FOXP1: variants seen among roughly 807,000 people sequenced by gnomAD.
FOXP1 encodes the protein forkhead box protein P1.
Under a neutral mutation model 98.2 loss-of-function variants are expected in FOXP1, and 15 were observed. That is an observed-to-expected ratio of 0.15 (90% confidence interval 0.10 to 0.24). The LOEUF is 0.24. Among genes scored for constraint, FOXP1 ranks in the 10% least tolerant of loss-of-function variants. The pLI is 1.00. For synonymous variants in FOXP1, 371 were observed against 314.5 expected, an observed-to-expected ratio of 1.18 and a Z score of -1.90; for missense variants, 633 against 848.5, an observed-to-expected ratio of 0.75 and a Z score of 3.15.
intron 17 of FOXP1, among the ~76,000 whole-genome samples, chr3:70,976,048 CCT>C (rs2037433414): frequency 5.6e-5 from 4 of 71,444 alleles, no homozygotes; most frequent in Non-Finnish European, 1.2e-4. Context: ...GGGACAATCT[CCT>C]TTTTTTTTTT....
At chr3:71,186,209 A>C (rs2062634040) in intron 6 of FOXP1, among the ~76,000 whole-genome samples, 2 of 152,338 alleles carry the variant, frequency 1.3e-5, no homozygotes, top group South Asian at 4.1e-4. Flanking sequence ...GGCCAAGGAC[A>C]TCTGTCTGCT....
intron 2 of FOXP1, among the ~76,000 whole-genome samples, chr3:71,527,409 C>A (rs1296374144): frequency 6.6e-6 from 1 of 152,230 alleles, no homozygotes; most frequent in Admixed American, 6.5e-5. Flanking sequence ...GTGATGAGAT[C>A]TGCTCCCAAG....
rs149743412 is a variant in FOXP1, at chr3:70,989,732, C to A, written c.1063-1655G>T. Among the ~76,000 whole-genome samples, 12 of 152,174 alleles carry A rather than the reference C, an allele frequency of 7.9e-5. No homozygotes were observed. The East Asian group carries it at 1.9e-3, about 24-fold the overall frequency. On this transcript the variant is annotated intron_variant, in intron 13 of 20. Transcript: ENST00000649528. ...TAAAAACAAGCAGTAGTCTGTCATG[C>A]TGAACAATACAAATTAAAGGGTGAG... is the stretch of plus-strand genomic sequence containing the variant.
At chr3:70,981,063 A>C (rs531307395) in intron 14 of FOXP1, among the ~76,000 whole-genome samples, 1 of 152,088 alleles carries the variant, frequency 6.6e-6, no homozygotes, top group South Asian at 2.1e-4. Flanking sequence ...AGCAAGTGCA[A>C]GCCCATCTTT....
At chr3:71,231,485 A>G (rs1001356245) in intron 5 of FOXP1, among the ~76,000 whole-genome samples, 2 of 152,264 alleles carry the variant, frequency 1.3e-5, no homozygotes, top group African/African-American at 2.4e-5. Context: ...GAGAATTACT[A>G]TAATTTATTA....
intron 5 of FOXP1, among the ~76,000 whole-genome samples, chr3:71,242,391 T>C (rs1406820182): frequency 6.6e-6 from 1 of 152,128 alleles, no homozygotes; most frequent in Non-Finnish European, 1.5e-5. Flanking sequence ...CATCGAATCA[T>C]AGCTACACAG....
chr3:71,004,274 AC>A (rs999274229), intron 12 of FOXP1, among the ~76,000 whole-genome samples: 1 of 152,086 alleles, frequency 6.6e-6, no homozygotes, highest in Admixed American at 6.6e-5. Context: ...AAAAAATATT[AC>A]ATGAGCCTGT....
chr3:71,101,535 T>C (rs1162393351), intron 7 of FOXP1, among the ~76,000 whole-genome samples: 1 of 151,960 alleles, frequency 6.6e-6, no homozygotes, highest in Non-Finnish European at 1.5e-5. Flanking sequence ...AGTTAGCCCA[T>C]GCAATGTATT....
In FOXP1 at chr3:71,409,443, T is replaced by C. The variant is rs555372459; in HGVS notation, c.-167-50199A>G. ...AGAAATAAACAGGAGAATGAATGAATGAATATGCTAATACAACCACCTCTG... is the reference window on the plus strand; with the variant it reads ...AGAAATAAACAGGAGAATGAATGAACGAATATGCTAATACAACCACCTCTG... On this transcript the variant is annotated intron_variant, in intron 3 of 20. Transcript: ENST00000649528. Among the ~76,000 whole-genome samples the C allele has an allele frequency of 1.1e-4, 16 of 152,242 alleles. No homozygotes were observed. In the South Asian group the frequency reaches 3.3e-3, roughly 32 times the overall value.
At chr3:71,583,896 T>C (rs1464774477), upstream of FOXP1, 3 of 978,822 alleles carry the variant, frequency 3.1e-6, no homozygotes, top group African/African-American at 3.7e-5. Flanking sequence ...GGGTCCCCTC[T>C]CCGCTTCACG....
At chr3:70,968,791 G>A (rs537860391) in intron 19 of FOXP1, 3 of 152,104 alleles carry the variant, frequency 2.0e-5, no homozygotes, top group South Asian at 4.2e-4. Flanking sequence ...GGAAATAGGC[G>A]GTAATGGAAA....
chr3:71,208,798 A>G (rs2064239917), intron 5 of FOXP1, among the ~76,000 whole-genome samples: 1 of 152,214 alleles, frequency 6.6e-6, no homozygotes, highest in East Asian at 1.9e-4. Context: ...GAGGAGAAAG[A>G]GGCCACTCTT....
intron 3 of FOXP1, among the ~76,000 whole-genome samples, chr3:71,378,163 AAAGTG>A (rs548166737): frequency 1.3e-4 from 19 of 151,102 alleles, no homozygotes; most frequent in African/African-American, 4.4e-4. Flanking sequence ...AGGAAGGCAA[AAAGTG>A]GGTGGATAAA....
chr3:71,577,461 A>C (rs1213087321), intron 2 of FOXP1, among the ~76,000 whole-genome samples: 4 of 152,154 alleles, frequency 2.6e-5, no homozygotes, highest in Non-Finnish European at 5.9e-5. Context: ...AAAGGAAAAA[A>C]ACTATCATGC....
Position 71,300,070 on chromosome 3 carries a change from C to G in FOXP1, c.-72-190G>C, listed in dbSNP as rs1189912786. On this transcript the variant is annotated intron_variant, in intron 4 of 20. Transcript: ENST00000649528. The stretch of plus-strand genomic sequence containing the variant: ...CCATATGCCTTTGAGCTCTTCAAGA[C>G]AACAAAATTGACTTGGTGGGGAAAA... 2.0e-5 allele frequency among the ~76,000 whole-genome samples: 3 copies of G among 152,162 alleles called. 1 individual carries two copies. The South Asian group carries it at 6.2e-4, about 31-fold the overall frequency.
intron 3 of FOXP1, among the ~76,000 whole-genome samples, chr3:71,439,486 A>G (rs1156501368): frequency 6.6e-6 from 1 of 152,224 alleles, no homozygotes; most frequent in East Asian, 1.9e-4. Context: ...ACTACTGGGA[A>G]TATTCCCTAG....
intron 6 of FOXP1, among the ~76,000 whole-genome samples, chr3:71,117,180 T>C (rs2058435462): frequency 6.6e-6 from 1 of 152,110 alleles, no homozygotes; most frequent in Non-Finnish European, 1.5e-5. Flanking sequence ...CTTGACCTCC[T>C]GGGCTCAAGC....
intron 7 of FOXP1, among the ~76,000 whole-genome samples, chr3:71,083,053 A>G (rs967310466): frequency 6.6e-6 from 1 of 152,200 alleles, no homozygotes; most frequent in Admixed American, 6.5e-5. Flanking sequence ...AGGGGTGGAT[A>G]TAATGCTAGG....
At chr3:71,435,851 GGGAGGGAGGAAGGGAC>G (rs2085275277) in intron 3 of FOXP1, among the ~76,000 whole-genome samples, 2 of 39,878 alleles carry the variant, frequency 5.0e-5, no homozygotes, top group African/African-American at 2.1e-4. Context: ...AAGGGACGGA[GGGAGGGAGGAAGGGAC>G]GGAGGGAGGG....
Sources: allele counts gnomAD v4.1 joint callset (sites outside exome capture counted in the v4.1 genomes callset), GRCh38; gene constraint gnomAD v4.1.1; transcripts MANE v1.5; gene names NCBI Gene and HGNC (gene_info 2026-07-23, HGNC 2026-07-21).